The following PCYOX1 variants were observed in gnomAD, a reference collection of about 807,000 sequenced individuals.
PCYOX1 encodes the protein prenylcysteine oxidase 1, also known as prenylcysteine lyase.
PCYOX1 carries 46 observed loss-of-function variants against 46.4 expected under a neutral mutation model. The ratio of observed to expected loss-of-function variants is 0.99; its 90% CI spans 0.78 to 1.27. The LOEUF (loss-of-function observed/expected upper bound fraction) is 1.27, where lower values mean the gene tolerates loss of function less well. Among genes scored for constraint, PCYOX1 ranks in the 50% most tolerant of loss-of-function variants. The pLI, the probability that PCYOX1 is intolerant of heterozygous loss-of-function variation, is 0.00. For synonymous variants in PCYOX1, 220 were observed against 231.8 expected (o/e 0.95, Z 0.46); for missense variants, 658 against 628.3 (o/e 1.05, Z -0.51).
At chr2:70,269,725 AT>A (rs1030803457) in intron 3 of PCYOX1, among the ~76,000 whole-genome samples, 3 of 150,076 alleles carry the variant, frequency 2.0e-5, no homozygotes, top group Non-Finnish European at 4.4e-5. Context: ...ATTGCCACAG[AT>A]TTTTTTTTTG....
Position 70,277,725 on chromosome 2 carries a change from G to C in PCYOX1, c.*333G>C, listed in dbSNP as rs759260240. The C allele has an allele frequency of 5.2e-6, 1 of 193,768 alleles. No individual in the cohort carries two copies. The highest frequency in any genetic ancestry group is 1.0e-5 in the Non-Finnish European group (1 of 95,610). 12.0% of individuals were successfully genotyped at this position (193,768 alleles called of 1,614,324 possible). ...CATTGCACTTCAGCCTGAGCAACACGAGCAAAACTCCGTCTCAAAAGTAAA... is the reference window on the plus strand; with the variant it reads ...CATTGCACTTCAGCCTGAGCAACACCAGCAAAACTCCGTCTCAAAAGTAAA... On this transcript the variant is annotated 3_prime_UTR_variant, in exon 6 of 6. Transcript: ENST00000433351.
In PCYOX1 at chr2:70,276,140, G is replaced by A. The variant is rs180916308; in HGVS notation, c.859+474G>A. ...AAAAAAAATTCCCCAGTGTAGTTAAGTGCTGTGGCATCACTCCTTGGATTT... is the reference window on the plus strand; with the variant it reads ...AAAAAAAATTCCCCAGTGTAGTTAAATGCTGTGGCATCACTCCTTGGATTT... On this transcript the variant is annotated intron_variant, in intron 5 of 5. Transcript: ENST00000433351. Among the ~76,000 whole-genome samples, 42 of 149,430 alleles carry A rather than the reference G, an allele frequency of 2.8e-4. No homozygotes were observed. The East Asian group carries it at 6.9e-3, about 25-fold the overall frequency.
intron 3 of PCYOX1, among the ~76,000 whole-genome samples, chr2:70,265,990 A>C (rs1057170747): frequency 6.6e-6 from 1 of 152,128 alleles, no homozygotes; most frequent in Non-Finnish European, 1.5e-5. Context: ...GATTACTGCT[A>C]CCACTTTGTT....
intron 3 of PCYOX1, among the ~76,000 whole-genome samples, chr2:70,270,247 C>T (rs1352535865): frequency 6.6e-6 from 1 of 152,116 alleles, no homozygotes; most frequent in Non-Finnish European, 1.5e-5. Context: ...CCGCCTGGCT[C>T]AGCTTCCCAG....
intron 1 of PCYOX1, 199 bp downstream of exon 1, chr2:70,258,475 G>C (rs1696381569): frequency 2.3e-6 from 1 of 438,982 alleles, no homozygotes; most frequent in South Asian, 3.2e-5. Context: ...GCATTCCCAG[G>C]CGTGGAGAGG....
At chr2:70,258,070 G>A (rs1696369852), upstream of PCYOX1, 1 of 1,017,164 alleles carries the variant, frequency 9.8e-7, no homozygotes, top group African/African-American at 1.7e-5. Flanking sequence ...GCAGGGGCTG[G>A]GCGGCCTGGG....
Position 70,277,204 on chromosome 2 carries a change from A to C in PCYOX1, c.1330A>C (p.Lys444Gln). Residue 444 changes from lysine to glutamine, a missense_variant, in exon 6 of 6, where the codon AAA becomes CAA. Coordinates refer to ENST00000433351, the MANE Select transcript of PCYOX1 (RefSeq NM_016297.4). Reference protein sequence around the residue: ...LAYPHYKPPEKCPSIILHDRL... With the variant: ...LAYPHYKPPEQCPSIILHDRL... ...ATATCCTCACTATAAGCCCCCGGAG[A>C]AATGCCCCTCTATCATTCTCCATGA... The C allele has an allele frequency of 6.2e-7, 1 of 1,614,138 alleles. No individual in the cohort carries two copies. The highest frequency in any genetic ancestry group is 1.1e-5 in the South Asian group (1 of 91,086).
chr2:70,260,204 G>A (rs998413137), intron 2 of PCYOX1, among the ~76,000 whole-genome samples: 5 of 152,150 alleles, frequency 3.3e-5, no homozygotes, highest in African/African-American at 1.2e-4. Context: ...TTTTGCAGCT[G>A]AGTAAATGAG....
rs971052711 is a variant in PCYOX1 at position 70,264,055 on chromosome 2, T to G, written c.494+2669T>G. On this transcript the variant is annotated intron_variant, in intron 3 of 5. Transcript: ENST00000433351. ...ATGGCTCACTGCAGCCTGGACCTCCTGGGCTCAGGGGATCTGCCTACCTTA... is the reference window on the plus strand; with the variant it reads ...ATGGCTCACTGCAGCCTGGACCTCCGGGGCTCAGGGGATCTGCCTACCTTA... Among the ~76,000 whole-genome samples, 6 of 148,238 alleles carry G rather than the reference T, an allele frequency of 4.0e-5. No individual in the cohort carries two copies. The South Asian group carries it at 1.3e-3, about 33-fold the overall frequency.
At chr2:70,259,873 T>G (rs770963740) in intron 2 of PCYOX1, among the ~76,000 whole-genome samples, 10 of 152,110 alleles carry the variant, frequency 6.6e-5, no homozygotes, top group Admixed American at 4.6e-4. Context: ...TGGAGTGCAA[T>G]GGTGCGATCT....
chr2:70,261,315 AG>A lies in PCYOX1; in HGVS notation c.424del (p.Val142PhefsTer15), dbSNP rs768486911. 1 of 1,611,768 alleles carries A rather than the reference AG, an allele frequency of 6.2e-7. No homozygotes were observed. Among genetic ancestry groups the A allele is most frequent in the Non-Finnish European group, 8.5e-7 (1 of 1,177,796 alleles). On this transcript the variant is annotated frameshift_variant, in exon 3 of 6. Coordinates refer to ENST00000433351, the MANE Select transcript of PCYOX1 (RefSeq NM_016297.4). LOFTEE classifies it high-confidence loss of function. ...NWFIINVIKL[V>X]WRYGFQSLRM... Reference sequence around the variant, plus strand: ...GGTTCATAATTAACGTGATTAAATTAGTTTGGCGCTATGGATTTCAATCCCT... The same window carrying A: ...GGTTCATAATTAACGTGATTAAATTATTTGGCGCTATGGATTTCAATCCCT...
upstream of PCYOX1, chr2:70,258,134 C>T (rs774468415): frequency 1.2e-5 from 19 of 1,549,890 alleles, no homozygotes; most frequent in Admixed American, 5.2e-5. Flanking sequence ...CTGCGGGGCT[C>T]TTGAGGCCAG....
At chr2:70,275,298 C>A in intron 4 of PCYOX1, 128 bp downstream of exon 4, 1 of 897,280 alleles carries the variant, frequency 1.1e-6, no homozygotes, top group Admixed American at 2.2e-5. Flanking sequence ...ACATTGTTAG[C>A]AAAATTGTGC....
At chr2:70,276,201 C>T (rs534197617) in intron 5 of PCYOX1, among the ~76,000 whole-genome samples, 4 of 149,936 alleles carry the variant, frequency 2.7e-5, no homozygotes, top group African/African-American at 7.4e-5. Flanking sequence ...GATGGAGTCT[C>T]GCTCTTTTGC....
rs1274627733 is a variant in PCYOX1 at position 70,280,683 on chromosome 2, G to C, written c.*3291G>C. ...AGTTGCTGAAAAATGGAGTAACAGT[G>C]TATGGGACTTCACATCAGTTCTCCT... On this transcript the variant is annotated 3_prime_UTR_variant, in exon 6 of 6. Coordinates refer to ENST00000433351, the MANE Select transcript of PCYOX1 (RefSeq NM_016297.4). 2 of 152,184 alleles carry C rather than the reference G, an allele frequency of 1.3e-5. No individual in the cohort carries two copies. The highest frequency in any genetic ancestry group is 2.9e-5 in the Non-Finnish European group (2 of 68,046). 9.4% of individuals were successfully genotyped at this position (152,184 alleles called of 1,614,324 possible).
chr2:70,276,159 T>C (rs929876344), intron 5 of PCYOX1, among the ~76,000 whole-genome samples: 12 of 151,190 alleles, frequency 7.9e-5, no homozygotes, highest in Admixed American at 3.3e-4. Context: ...CATCACTCCT[T>C]GGATTTGAAA....
chr2:70,276,307 C>G (rs1559038000), intron 5 of PCYOX1, among the ~76,000 whole-genome samples: 1 of 151,600 alleles, frequency 6.6e-6, no homozygotes, highest in East Asian at 2.0e-4. Context: ...GTAGCTGGGA[C>G]TATAGGCGCC....
chr2:70,268,837 C>T (rs1696563477), intron 3 of PCYOX1, among the ~76,000 whole-genome samples: 1 of 151,602 alleles, frequency 6.6e-6, no homozygotes, highest in South Asian at 2.1e-4. Flanking sequence ...ACACAAAGAC[C>T]ATGTGAGGAC....
chr2:70,259,473 G>C lies in PCYOX1; in HGVS notation c.226G>C (p.Ala76Pro). 6.2e-7 allele frequency: 1 copy of C among 1,614,102 alleles called. No individual in the cohort carries two copies. The highest frequency in any genetic ancestry group is 8.5e-7 in the Non-Finnish European group (1 of 1,179,990). Residue 76 changes from alanine (A) to proline (P), a missense_variant, in exon 2 of 6, where the codon GCT becomes CCT. Transcript: ENST00000433351. ...FEREEVGGRL[A>P]TMMVQGQEYE... ...AAGAGAAGAGGTCGGGGGCCGCCTG[G>C]CTACCATGATGGTGCAGGGGCAAGA...
Sources: allele counts gnomAD v4.1 joint callset (sites outside exome capture counted in the v4.1 genomes callset), GRCh38; gene constraint gnomAD v4.1.1; transcripts MANE v1.5; gene names NCBI Gene and HGNC (gene_info 2026-07-23, HGNC 2026-07-21).